The following DCAF8L2 variants were observed in gnomAD, a reference collection of about 807,000 sequenced individuals.
DCAF8L2 encodes the protein DDB1- and CUL4-associated factor 8-like protein 2.
For synonymous variants in DCAF8L2, 200 were observed against 190.9 expected (o/e 1.05, Z -0.39); for missense variants, 430 against 490.7 (o/e 0.88, Z 1.17).
In DCAF8L2 at chrX:27,667,615, G is replaced by A. The variant is rs190503456; in HGVS notation, c.-219-10221G>A. Among the ~76,000 whole-genome samples, 471 of 111,490 alleles carry A rather than the reference G, an allele frequency of 4.2e-3. 2 individuals carry two copies. The highest frequency in any genetic ancestry group is 6.6e-3 in the Non-Finnish European group (350 of 53,074). Reference sequence around the variant, plus strand: ...AGCTTGAGCAAATCAAATTCTGGCTGACTCAAATATGTTGTTAGTAAGCAG... The same window carrying A: ...AGCTTGAGCAAATCAAATTCTGGCTAACTCAAATATGTTGTTAGTAAGCAG... On this transcript the variant is annotated intron_variant, in intron 2 of 4. Coordinates refer to ENST00000451261, the MANE Select transcript of DCAF8L2 (RefSeq NM_001353450.2).
the DCAF8L2 span, among the ~76,000 whole-genome samples, chrX:27,576,828 A>G: frequency 8.9e-6 from 1 of 112,162 alleles, no homozygotes; most frequent in African/African-American, 3.2e-5. Flanking sequence ...ACTGTCCATT[A>G]TGAGGAAATA....
rs745315957 is a variant in DCAF8L2 at position 27,737,608 on chromosome X, C to G, written c.-58-9230C>G. ...ACTATGTCTACCCCAAAACAGTATC[C>G]CCTGTCACTGCACTTTCACAGGACC... On this transcript the variant is annotated intron_variant, in intron 4 of 4. Transcript: ENST00000451261. Among the ~76,000 whole-genome samples the G allele has an allele frequency of 6.3e-5, 7 of 111,722 alleles. No homozygotes were observed. In the East Asian group the frequency reaches 1.7e-3, roughly 27 times the overall value.
rs189147590 is a variant in DCAF8L2 at position 27,613,416 on chromosome X, C to T, written c.-341-18463C>T. ...CTGCAAACAGGGACAATTTGACTTC[C>T]TCTTTTCCTAATTGAATACCCTTTA... is the stretch of plus-strand genomic sequence containing the variant. On this transcript the variant is annotated intron_variant, in intron 1 of 4. Coordinates refer to ENST00000451261, the MANE Select transcript of DCAF8L2 (RefSeq NM_001353450.2). 4.0e-3 allele frequency among the ~76,000 whole-genome samples: 444 copies of T among 111,451 alleles called. 1 individual carries two copies. The highest frequency in any genetic ancestry group is 0.014 in the African/African-American group (415 of 30,659).
In DCAF8L2 at chrX:27,604,173, A is replaced by C. The variant is rs761183137; in HGVS notation, c.-342+13733A>C. 2.2e-4 allele frequency among the ~76,000 whole-genome samples: 24 copies of C among 111,106 alleles called. No individual in the cohort carries two copies. The South Asian group carries it at 9.2e-3, about 43-fold the overall frequency. On this transcript the variant is annotated intron_variant, in intron 1 of 4. Transcript: ENST00000451261. ...CTCCCTTCAGCTTTTCACACTCTCT[A>C]ATAACATCAGCTATGAAGATATGGG...
the DCAF8L2 span, among the ~76,000 whole-genome samples, chrX:27,486,649 G>GTAT: frequency 9.0e-6 from 1 of 110,986 alleles, no homozygotes; most frequent in East Asian, 2.8e-4. Context: ...TTTGTCCATT[G>GTAT]TATATCTTCT....
chrX:27,606,138 C>T (rs1279442910), intron 1 of DCAF8L2, among the ~76,000 whole-genome samples: 1 of 100,946 alleles, frequency 9.9e-6, no homozygotes, highest in Non-Finnish European at 2.0e-5. Context: ...TTAATGAAGT[C>T]ATGTGTATTA....
the DCAF8L2 span, among the ~76,000 whole-genome samples, chrX:27,548,646 T>C: frequency 9.0e-6 from 1 of 111,120 alleles, no homozygotes; most frequent in Non-Finnish European, 1.9e-5. Flanking sequence ...CTGAACAGTG[T>C]TACAACATTT....
the DCAF8L2 span, among the ~76,000 whole-genome samples, chrX:27,474,000 C>G: frequency 2.4e-3 from 270 of 110,876 alleles, 1 homozygote; most frequent in Non-Finnish European, 3.9e-3. Flanking sequence ...TTCCCTAGGG[C>G]TCTAATGTTC....
chrX:27,608,684 A>C (rs926847690), intron 1 of DCAF8L2, among the ~76,000 whole-genome samples: 1 of 109,206 alleles, frequency 9.2e-6, no homozygotes, highest in Non-Finnish European at 1.9e-5. Context: ...CTTCAGTCTT[A>C]TTATCCTGAA....
At chrX:27,711,267 T>G (rs1018845160) in intron 3 of DCAF8L2, among the ~76,000 whole-genome samples, 2 of 110,434 alleles carry the variant, frequency 1.8e-5, no homozygotes, top group Non-Finnish European at 3.8e-5. Flanking sequence ...TATTTTTCTT[T>G]CTGTGTCTGG....
chrX:27,732,244 C>T (rs901312975), intron 4 of DCAF8L2, among the ~76,000 whole-genome samples: 1 of 111,285 alleles, frequency 9.0e-6, no homozygotes, highest in Non-Finnish European at 1.9e-5. Context: ...TCTTACATAA[C>T]TGCAATTTTG....
upstream of DCAF8L2, among the ~76,000 whole-genome samples, chrX:27,588,534 T>G (rs1298137771): frequency 1.8e-5 from 2 of 111,499 alleles, no homozygotes; most frequent in Non-Finnish European, 3.8e-5. Context: ...CAGTTCTGTT[T>G]TAAGCTCTTT....
At chrX:27,596,940 T>A (rs1926388479) in intron 1 of DCAF8L2, among the ~76,000 whole-genome samples, 1 of 111,212 alleles carries the variant, frequency 9.0e-6, no homozygotes, top group African/African-American at 3.3e-5. Flanking sequence ...TCAACAACAA[T>A]TTTTTTGGCA....
chrX:27,562,950 C>T, the DCAF8L2 span, among the ~76,000 whole-genome samples: 93 of 111,780 alleles, frequency 8.3e-4, 3 homozygotes, highest in Non-Finnish European at 1.4e-3. Context: ...ATTTAGAGGC[C>T]TTCTTAATAG....
the DCAF8L2 span, among the ~76,000 whole-genome samples, chrX:27,529,481 A>C: frequency 8.9e-6 from 1 of 111,956 alleles, no homozygotes; most frequent in African/African-American, 3.2e-5. Flanking sequence ...GTTAGTAATG[A>C]GTGTTGGTTG....
At chrX:27,516,978 A>G in the DCAF8L2 span, among the ~76,000 whole-genome samples, 1 of 111,799 alleles carries the variant, frequency 8.9e-6, no homozygotes, top group Non-Finnish European at 1.9e-5. Flanking sequence ...TTCATCAACA[A>G]ACTCTCCTAG....
chrX:27,588,279 C>G (rs771568691), upstream of DCAF8L2, among the ~76,000 whole-genome samples: 2 of 109,709 alleles, frequency 1.8e-5, no homozygotes, highest in East Asian at 5.7e-4. Flanking sequence ...CATTAATTCA[C>G]TTAGGATAAT....
At chrX:27,727,642 A>G (rs1157189753) in intron 4 of DCAF8L2, among the ~76,000 whole-genome samples, 1 of 111,467 alleles carries the variant, frequency 9.0e-6, no homozygotes, top group African/African-American at 3.3e-5. Flanking sequence ...AGAATCACTT[A>G]CAATTTTTCA....
At chrX:27,678,759 C>A in intron 3 of DCAF8L2, among the ~76,000 whole-genome samples, 1 of 111,443 alleles carries the variant, frequency 9.0e-6, no homozygotes, top group Middle Eastern at 4.6e-3. Flanking sequence ...ATGGATGTTG[C>A]TGATGGTTGC....
Sources: gnomAD v4.1 joint callset for allele counts (sites outside exome capture counted in the v4.1 genomes callset) on GRCh38, gnomAD v4.1.1 for gene constraint, MANE v1.5 for transcripts, NCBI Gene and HGNC (gene_info 2026-07-23, HGNC 2026-07-21) for gene names.